Variants in ATP2B2 observed in about 807,000 individuals in gnomAD.
The protein encoded by ATP2B2 is plasma membrane calcium-transporting ATPase 2.
ATP2B2 carries 15 observed loss-of-function variants against 120.0 expected under a neutral mutation model. That is an observed-to-expected ratio of 0.12 (90% CI 0.08 to 0.19). The LOEUF (loss-of-function observed/expected upper bound fraction) is 0.19, where lower values mean the gene tolerates loss of function less well. Among genes scored for constraint, ATP2B2 ranks in the 10% least tolerant of loss-of-function variants. The pLI is 1.00. For synonymous variants in ATP2B2, 694 were observed against 700.3 expected, an observed-to-expected ratio of 0.99 and a Z score of 0.14; for missense variants, 1,045 against 1,719.8, an observed-to-expected ratio of 0.61 and a Z score of 6.94.
chr3:10,577,058 A>AAG (rs979007271), intron 2 of ATP2B2, among the ~76,000 whole-genome samples: 3 of 150,074 alleles, frequency 2.0e-5, no homozygotes, highest in African/African-American at 7.3e-5. Context: ...TGTCAAAAAA[A>AAG]AAAAAAAAAA....
intron 12 of ATP2B2, among the ~76,000 whole-genome samples, chr3:10,369,618 T>C (rs938904773): frequency 6.6e-6 from 1 of 152,230 alleles, no homozygotes; most frequent in African/African-American, 2.4e-5. Flanking sequence ...GTGATTTTAT[T>C]GCTGAATAAC....
chr3:10,644,699 C>T (rs1032920450), intron 1 of ATP2B2, among the ~76,000 whole-genome samples: 7 of 152,070 alleles, frequency 4.6e-5, no homozygotes, highest in South Asian at 2.1e-4. Flanking sequence ...TCAATAAGTC[C>T]GCAGAGACAG....
At chr3:10,593,293 A>G (rs1311629737) in intron 2 of ATP2B2, among the ~76,000 whole-genome samples, 2 of 152,250 alleles carry the variant, frequency 1.3e-5, no homozygotes, top group East Asian at 3.8e-4. Flanking sequence ...GCCCAATTTC[A>G]CAGATGAAAA....
intron 1 of ATP2B2, among the ~76,000 whole-genome samples, chr3:10,486,368 C>A (rs1301293246): frequency 8.0e-6 from 1 of 125,730 alleles, no homozygotes; most frequent in East Asian, 2.9e-4. Context: ...TGTCTCAGCC[C>A]TGCATAAGAT....
intron 3 of ATP2B2, among the ~76,000 whole-genome samples, chr3:10,524,417 G>A (rs569749720): frequency 3.3e-5 from 5 of 152,140 alleles, no homozygotes; most frequent in South Asian, 2.1e-4. Flanking sequence ...TGAGCATGCC[G>A]AGGCACAGAG....
chr3:10,572,868 AG>A (rs924405327), intron 2 of ATP2B2, among the ~76,000 whole-genome samples: 2 of 152,224 alleles, frequency 1.3e-5, no homozygotes, highest in Non-Finnish European at 2.9e-5. Flanking sequence ...TCAGTAACTT[AG>A]GGGCAGCTCT....
intron 2 of ATP2B2, among the ~76,000 whole-genome samples, chr3:10,601,298 C>T (rs2068912884): frequency 6.6e-6 from 1 of 152,128 alleles, no homozygotes; most frequent in Non-Finnish European, 1.5e-5. Flanking sequence ...TCGGTCATAC[C>T]CTGAGTCCTG....
intron 8 of ATP2B2, among the ~76,000 whole-genome samples, chr3:10,382,185 C>A (rs1273002119): frequency 6.9e-6 from 1 of 145,196 alleles, no homozygotes; most frequent in African/African-American, 2.6e-5. Context: ...GCCACTATAC[C>A]CAGCTAATTA....
intron 2 of ATP2B2, among the ~76,000 whole-genome samples, chr3:10,584,394 C>T (rs934833861): frequency 1.3e-5 from 2 of 152,184 alleles, no homozygotes; most frequent in African/African-American, 4.8e-5. Context: ...TTGTTCCCTT[C>T]CTGGTGGCCT....
chr3:10,417,755 A>G (rs775400819), intron 2 of ATP2B2, among the ~76,000 whole-genome samples: 1 of 152,180 alleles, frequency 6.6e-6, no homozygotes, highest in Non-Finnish European at 1.5e-5. Context: ...GCAGAAGTGT[A>G]GTTGTAATTG....
intron 2 of ATP2B2, among the ~76,000 whole-genome samples, chr3:10,563,224 A>G (rs1263714954): frequency 6.6e-6 from 1 of 152,216 alleles, no homozygotes; most frequent in African/African-American, 2.4e-5. Context: ...GACGCTATCA[A>G]CACTGCTTTA....
At position 10,358,944 on chromosome 3, in the gene ATP2B2, G is replaced by A; in HGVS notation, c.1902-19C>T. ...GCAGCACCTAGGGGAGGATGGAAGG[G>A]AGATGGGGAGCCCAGGGAATGCTCC... On this transcript the variant is annotated intron_variant, in intron 13 of 22. Coordinates refer to ENST00000360273, the MANE Select transcript of ATP2B2 (RefSeq NM_001001331.4). The A allele has an allele frequency of 6.2e-7, 1 of 1,611,288 alleles. No individual in the cohort carries two copies. Among genetic ancestry groups the A allele is most frequent in the Non-Finnish European group, 8.5e-7 (1 of 1,179,158 alleles).
At chr3:10,584,984 C>T (rs2068473147) in intron 2 of ATP2B2, among the ~76,000 whole-genome samples, 1 of 152,198 alleles carries the variant, frequency 6.6e-6, no homozygotes, top group African/African-American at 2.4e-5. Flanking sequence ...CTGGTGCTGT[C>T]TCCAAATAGA....
intron 1 of ATP2B2, among the ~76,000 whole-genome samples, chr3:10,455,006 A>G (rs538109220): frequency 1.4e-4 from 21 of 152,288 alleles, no homozygotes; most frequent in African/African-American, 5.1e-4. Flanking sequence ...TTCTGAGAGC[A>G]TCATGTGGGC....
At chr3:10,492,611 G>A (rs563447831) in intron 1 of ATP2B2, among the ~76,000 whole-genome samples, 5 of 152,258 alleles carry the variant, frequency 3.3e-5, no homozygotes, top group African/African-American at 4.8e-5. Context: ...TGGATGCCAC[G>A]GGAGACTGTG....
chr3:10,703,839 C>G lies in ATP2B2; in HGVS notation c.-460+4076G>C, dbSNP rs187852100. ...AGGGCCCCTTTCATAAATGCTCAGC[C>G]CATCTTCCCAACCGCTTCCTTTATG... On this transcript the variant is annotated intron_variant, in intron 1 of 21. Coordinates refer to the ATP2B2 transcript ENST00000646379. Among the ~76,000 whole-genome samples the G allele has an allele frequency of 3.7e-3, 562 of 152,334 alleles. 5 individuals carry two copies. The highest frequency in any genetic ancestry group is 2.1e-3 in the Non-Finnish European group (142 of 68,034).
chr3:10,648,746 C>T lies in ATP2B2; in HGVS notation c.-459-28785G>A, dbSNP rs533756022. On this transcript the variant is annotated intron_variant, in intron 1 of 21. Coordinates refer to the ATP2B2 transcript ENST00000646379. ...AACTCCAAGAGCTTTGCTTCCAAATCACCAACACTTCTCCCAGCACCAAAT... is the reference window on the plus strand; with the variant it reads ...AACTCCAAGAGCTTTGCTTCCAAATTACCAACACTTCTCCCAGCACCAAAT... Among the ~76,000 whole-genome samples the T allele has an allele frequency of 2.0e-5, 3 of 152,318 alleles. No individual in the cohort carries two copies. In the South Asian group the frequency reaches 6.2e-4, roughly 32 times the overall value.
At position 10,387,997 on chromosome 3, in the gene ATP2B2, G is replaced by A. The variant is rs2061731011; in HGVS notation, c.907+280C>T. 5 of 433,672 alleles carry A rather than the reference G, an allele frequency of 1.2e-5. No individual in the cohort carries two copies. The Admixed American group carries it at 1.7e-4, about 15-fold the overall frequency. 26.9% of individuals were successfully genotyped at this position (433,672 alleles called of 1,614,324 possible). A position where few individuals can be genotyped will look rare whatever the true frequency, so the allele number is the denominator to read the frequency against. On this transcript the variant is annotated intron_variant, in intron 6 of 22. Coordinates refer to ENST00000360273, the MANE Select transcript of ATP2B2 (RefSeq NM_001001331.4). ...TGGCTGTTTCCACCACTTGAGGCTGGAGACTCAACAACATGGTCAGCATCC... is the reference window on the plus strand; with the variant it reads ...TGGCTGTTTCCACCACTTGAGGCTGAAGACTCAACAACATGGTCAGCATCC...
In ATP2B2 at chr3:10,378,604, C is replaced by A. The variant is rs527793859; in HGVS notation, c.1043-194G>T. 5.3e-5 allele frequency among the ~76,000 whole-genome samples: 8 copies of A among 152,298 alleles called. No individual in the cohort carries two copies. The South Asian group carries it at 1.0e-3, about 20-fold the overall frequency. On this transcript the variant is annotated intron_variant, in intron 9 of 22. Coordinates refer to ENST00000360273, the MANE Select transcript of ATP2B2 (RefSeq NM_001001331.4). ...GCCTCTTCCAGCCGGAGCTATGGAT[C>A]CCAGTGGTACTCGCTGCCTCAGACC...
Sources: allele counts gnomAD v4.1 joint callset (sites outside exome capture counted in the v4.1 genomes callset), GRCh38; gene constraint gnomAD v4.1.1; transcripts MANE v1.5; gene names NCBI Gene and HGNC (gene_info 2026-07-23, HGNC 2026-07-21).